The following FOXP2 variants were observed in gnomAD, a reference collection of about 807,000 sequenced individuals.
The protein encoded by FOXP2 is forkhead box protein P2.
FOXP2 carries 12 observed loss-of-function variants against 115.8 expected under a neutral mutation model. That is an observed-to-expected ratio of 0.10 (90% CI 0.07 to 0.17). The LOEUF (loss-of-function observed/expected upper bound fraction) is 0.17. Among genes scored for constraint, FOXP2 ranks in the 10% least tolerant of loss-of-function variants. The pLI is 1.00. For missense variants in FOXP2, 629 were observed against 843.5 expected (o/e 0.75, Z 3.15); for synonymous variants, 328 against 297.7 (o/e 1.10, Z -1.05).
At chr7:114,671,945 A>G (rs1585014423) in intron 16 of FOXP2, among the ~76,000 whole-genome samples, 1 of 152,242 alleles carries the variant, frequency 6.6e-6, no homozygotes, top group African/African-American at 2.4e-5. Flanking sequence ...GTAACATGTT[A>G]TACTTGAATA....
rs1254716660 is a variant in FOXP2 at position 114,318,720 on chromosome 7, T to C, written c.-11+30611T>C. Among the ~76,000 whole-genome samples, 7 of 151,332 alleles carry C rather than the reference T, an allele frequency of 4.6e-5. No homozygotes were observed. The East Asian group carries it at 1.4e-3, about 29-fold the overall frequency. On this transcript the variant is annotated intron_variant, in intron 2 of 17. Coordinates refer to the FOXP2 transcript ENST00000634411. ...AGGATTTAGATAATTCATATATATA[T>C]ATATATACACACACACGCACAGACA...
intron 1 of FOXP2, among the ~76,000 whole-genome samples, chr7:114,251,260 G>A (rs200021757): frequency 3.3e-5 from 5 of 152,194 alleles, no homozygotes; most frequent in Non-Finnish European, 5.9e-5. Context: ...TTTTGGCTTA[G>A]GATTGACTTG....
chr7:114,259,444 A>G (rs1795694186), intron 1 of FOXP2, among the ~76,000 whole-genome samples: 1 of 152,238 alleles, frequency 6.6e-6, no homozygotes, highest in Admixed American at 6.5e-5. Context: ...TTCTTTGACT[A>G]GAATGACAGA....
intron 1 of FOXP2, among the ~76,000 whole-genome samples, chr7:114,129,141 A>C (rs1791804612): frequency 6.6e-6 from 1 of 152,212 alleles, no homozygotes. Flanking sequence ...GTTAGATTAT[A>C]GAGCAAGACG....
At chr7:114,095,416 G>A (rs983773094) in intron 1 of FOXP2, among the ~76,000 whole-genome samples, 5 of 151,780 alleles carry the variant, frequency 3.3e-5, no homozygotes, top group African/African-American at 7.3e-5. Flanking sequence ...CAGTCACTTT[G>A]CTAGTGAAGC....
chr7:114,296,261 T>C (rs545050012), intron 2 of FOXP2, among the ~76,000 whole-genome samples: 1 of 152,342 alleles, frequency 6.6e-6, no homozygotes, highest in African/African-American at 2.4e-5. Context: ...GTGATGATTT[T>C]TTTTTCTTTC....
rs544576427 is a variant in FOXP2 at position 114,226,362 on chromosome 7, C to T, written c.-101-61657C>T. Among the ~76,000 whole-genome samples, 3 of 152,256 alleles carry T rather than the reference C, an allele frequency of 2.0e-5. No homozygotes were observed. The East Asian group carries it at 5.8e-4, about 29-fold the overall frequency. ...TTTTGTGCAGTGACTTGATGTGTTT[C>T]CTCCCTCAAGTATTGTCATCGGTTG... On this transcript the variant is annotated intron_variant, in intron 1 of 17. Coordinates refer to the FOXP2 transcript ENST00000634411.
chr7:114,364,940 A>G (rs2129188208), intron 2 of FOXP2, among the ~76,000 whole-genome samples: 1 of 152,288 alleles, frequency 6.6e-6, no homozygotes, highest in East Asian at 1.9e-4. Flanking sequence ...TTTAACCAGC[A>G]CAAATTAAAT....
At chr7:114,671,986 A>G (rs1807511301) in intron 16 of FOXP2, among the ~76,000 whole-genome samples, 2 of 152,248 alleles carry the variant, frequency 1.3e-5, no homozygotes, top group Admixed American at 6.5e-5. Flanking sequence ...GGGTTACTAC[A>G]TTCCATAGCC....
intron 1 of FOXP2, among the ~76,000 whole-genome samples, chr7:114,143,431 G>C (rs1345667543): frequency 2.6e-5 from 4 of 151,944 alleles, no homozygotes; most frequent in African/African-American, 9.7e-5. Flanking sequence ...GATGGGATAG[G>C]TTATTCTGTA....
At chr7:114,291,718 C>A (rs1796594586) in intron 2 of FOXP2, among the ~76,000 whole-genome samples, 1 of 150,940 alleles carries the variant, frequency 6.6e-6, no homozygotes, top group Non-Finnish European at 1.5e-5. Context: ...CTCTAAATTC[C>A]ACCTACAGTT....
intron 3 of FOXP2, among the ~76,000 whole-genome samples, chr7:114,584,914 TTC>T (rs1802056039): frequency 6.6e-6 from 1 of 152,214 alleles, no homozygotes; most frequent in African/African-American, 2.4e-5. Context: ...ACACAAGTGT[TTC>T]TAGCACAATG....
chr7:114,333,763 C>T (rs1797772831), intron 2 of FOXP2, among the ~76,000 whole-genome samples: 1 of 152,108 alleles, frequency 6.6e-6, no homozygotes, highest in Non-Finnish European at 1.5e-5. Context: ...TGGCACATGC[C>T]TGTAGTCCCA....
chr7:114,309,985 A>G (rs1797107879), intron 2 of FOXP2, among the ~76,000 whole-genome samples: 1 of 152,084 alleles, frequency 6.6e-6, no homozygotes, highest in South Asian at 2.1e-4. Context: ...TTAATCTGCC[A>G]GTCTCTGCTT....
intron 2 of FOXP2, among the ~76,000 whole-genome samples, chr7:114,486,733 C>T (rs975471858): frequency 2.6e-5 from 4 of 152,164 alleles, no homozygotes; most frequent in Admixed American, 2.6e-4. Flanking sequence ...TGAAGCCATG[C>T]AGGCCCCATG....
At chr7:114,614,494 GA>G (rs1240233167) in intron 3 of FOXP2, among the ~76,000 whole-genome samples, 2 of 152,060 alleles carry the variant, frequency 1.3e-5, no homozygotes, top group East Asian at 1.9e-4. Flanking sequence ...GTACTATGAA[GA>G]TTTTTTTTAA....
chr7:114,100,861 A>C (rs1790928474), intron 1 of FOXP2, among the ~76,000 whole-genome samples: 1 of 152,206 alleles, frequency 6.6e-6, no homozygotes, highest in African/African-American at 2.4e-5. Flanking sequence ...AATTCATTTA[A>C]TCCTCATAAT....
chr7:114,562,272 G>T (rs1800793268), intron 3 of FOXP2, among the ~76,000 whole-genome samples: 1 of 152,070 alleles, frequency 6.6e-6, no homozygotes, highest in South Asian at 2.1e-4. Context: ...AGGCAGTATT[G>T]GTTCTCTGAC....
At chr7:114,147,612 T>A (rs557455209) in intron 1 of FOXP2, among the ~76,000 whole-genome samples, 6 of 152,062 alleles carry the variant, frequency 3.9e-5, no homozygotes, top group Non-Finnish European at 7.4e-5. Flanking sequence ...AATAGTATAT[T>A]TTTTTTGCTC....
Sources: gnomAD v4.1 joint callset for allele counts (sites outside exome capture counted in the v4.1 genomes callset) on GRCh38, gnomAD v4.1.1 for gene constraint, MANE v1.5 for transcripts, NCBI Gene and HGNC (gene_info 2026-07-23, HGNC 2026-07-21) for gene names.